Variants in RBFOX1 observed in about 807,000 individuals in gnomAD.
RBFOX1 encodes the protein RNA binding protein fox-1 homolog 1.
A neutral mutation model predicts 57.7 loss-of-function variants in RBFOX1; 8 were observed. The observed-to-expected ratio is 0.14, with a 90% confidence interval of 0.08 to 0.25. The LOEUF (loss-of-function observed/expected upper bound fraction) is 0.25. Ranked by LOEUF, RBFOX1 falls within the 10% of genes least tolerant of loss-of-function variation. RBFOX1 has a pLI of 1.00. For missense variants in RBFOX1, 611 were observed against 548.5 expected (o/e 1.11, Z -1.14); for synonymous variants, 326 against 222.4 (o/e 1.47, Z -4.15).
At chr16:7,304,522 G>C in intron 4 of RBFOX1, 1 of 985,196 alleles carries the variant, frequency 1.0e-6, no homozygotes, top group Non-Finnish European at 1.2e-6. Context: ...CTGCTTTCCT[G>C]GGGCTGGGCC....
At chr16:6,927,620 G>A (rs918143938) in intron 3 of RBFOX1, among the ~76,000 whole-genome samples, 1 of 152,006 alleles carries the variant, frequency 6.6e-6, no homozygotes, top group Non-Finnish European at 1.5e-5. Context: ...TTTAGCAGGG[G>A]CTTAATAGAC....
chr16:5,486,668 G>A (rs912277461), intron 2 of RBFOX1, among the ~76,000 whole-genome samples: 20 of 152,128 alleles, frequency 1.3e-4, no homozygotes, highest in African/African-American at 4.8e-4. Flanking sequence ...TCAGTCTTGT[G>A]CCCTGTCTAT....
chr16:7,460,427 ATG>A (rs1252369246), intron 4 of RBFOX1, among the ~76,000 whole-genome samples: 8 of 110,248 alleles, frequency 7.3e-5, no homozygotes, highest in African/African-American at 2.5e-4. Context: ...GTATATACAT[ATG>A]TGTGTGTATA....
At chr16:6,551,074 G>A (rs971741605) in intron 2 of RBFOX1, among the ~76,000 whole-genome samples, 15 of 152,168 alleles carry the variant, frequency 9.9e-5, no homozygotes, top group Non-Finnish European at 2.2e-4. Flanking sequence ...TTGCCTCCTG[G>A]ACCCATTTTA....
At chr16:5,852,415 A>G (rs1020076225) in intron 3 of RBFOX1, among the ~76,000 whole-genome samples, 10 of 152,154 alleles carry the variant, frequency 6.6e-5, no homozygotes, top group Admixed American at 2.6e-4. Flanking sequence ...GCCGGATGCT[A>G]TGGGAGGCTC....
intron 3 of RBFOX1, among the ~76,000 whole-genome samples, chr16:5,653,280 G>A (rs550922108): frequency 6.6e-6 from 1 of 151,858 alleles, no homozygotes. Context: ...AAGGTGGGGT[G>A]CTGAGCCGTG....
chr16:6,981,042 C>CAAAAAAAAAAAAAAA (rs36117809), intron 3 of RBFOX1, among the ~76,000 whole-genome samples: 7 of 77,426 alleles, frequency 9.0e-5, no homozygotes, highest in African/African-American at 3.9e-4. Context: ...GTCTCAGTCT[C>CAAAAAAAAAAAAAAA]AAAAAAAAAA....
chr16:7,110,308 C>A (rs963859266), intron 4 of RBFOX1, among the ~76,000 whole-genome samples: 2 of 151,918 alleles, frequency 1.3e-5, no homozygotes, highest in Admixed American at 6.6e-5. Context: ...CTGTGGTGAA[C>A]TATGATCATG....
In RBFOX1 at chr16:6,837,616, C is replaced by A. The variant is rs182384295; in HGVS notation, c.-16+182966C>A. 1.9e-4 allele frequency among the ~76,000 whole-genome samples: 29 copies of A among 152,254 alleles called. No individual in the cohort carries two copies. In the East Asian group the frequency reaches 5.4e-3, roughly 28 times the overall value. On this transcript the variant is annotated intron_variant, in intron 3 of 15. Transcript: ENST00000550418. ...TGGGAACAATTTGTGCAATCTTGGG[C>A]AAGTCGCTCAATCTCTCTAAGCCTC...
In RBFOX1 at chr16:6,880,751, T is replaced by C. The variant is rs192068713; in HGVS notation, c.-15-171306T>C. The stretch of plus-strand genomic sequence containing the variant: ...ATGATTATTTTATGATTGTATTTGA[T>C]TGCGTTGTATTAAAATTATTGTTAT... On this transcript the variant is annotated intron_variant, in intron 3 of 15. Coordinates refer to ENST00000550418, the MANE Select transcript of RBFOX1 (RefSeq NM_018723.4). Among the ~76,000 whole-genome samples, 768 of 152,296 alleles carry C rather than the reference T, an allele frequency of 5.0e-3. 6 individuals are homozygous for C. Among genetic ancestry groups the C allele is most frequent in the African/African-American group, 0.018 (735 of 41,542 alleles).
chr16:6,798,986 T>C (rs114784181), intron 3 of RBFOX1, among the ~76,000 whole-genome samples: 147 of 152,208 alleles, frequency 9.7e-4, no homozygotes, highest in African/African-American at 3.3e-3. Context: ...GGGGAGTCTT[T>C]TAGGAAAAAG....
chr16:6,424,664 G>GAC lies in RBFOX1; in HGVS notation c.-64+107608_-64+107609insCA, dbSNP rs1224071136. 4.8e-3 allele frequency among the ~76,000 whole-genome samples: 706 copies of GAC among 147,876 alleles called. 28 individuals carry two copies. The highest frequency in any genetic ancestry group is 0.046 in the Admixed American group (671 of 14,604). ...AGATAATTATAACTTTGTAAAGATG[G>GAC]ATCTACAAGGATGTTCACTGCAGCA... On this transcript the variant is annotated intron_variant, in intron 2 of 15. Transcript: ENST00000550418.
intron 2 of RBFOX1, among the ~76,000 whole-genome samples, chr16:6,393,747 G>C (rs2152937887): frequency 6.6e-6 from 1 of 152,246 alleles, no homozygotes; most frequent in South Asian, 2.1e-4. Flanking sequence ...AAGGCTGTGT[G>C]TTCCTTACCT....
intron 3 of RBFOX1, among the ~76,000 whole-genome samples, chr16:6,661,981 A>G (rs1603228502): frequency 6.6e-6 from 1 of 152,218 alleles, no homozygotes; most frequent in African/African-American, 2.4e-5. Context: ...GCCATGTGCA[A>G]CAAGATAGAT....
chr16:5,818,282 G>C (rs936013094), intron 3 of RBFOX1, among the ~76,000 whole-genome samples: 19 of 152,192 alleles, frequency 1.2e-4, no homozygotes, highest in Admixed American at 3.3e-4. Flanking sequence ...CTGACAGGGT[G>C]AAGACCATTA....
At chr16:7,585,788 A>G (rs955331439) in intron 6 of RBFOX1, among the ~76,000 whole-genome samples, 1 of 152,060 alleles carries the variant, frequency 6.6e-6, no homozygotes, top group Non-Finnish European at 1.5e-5. Context: ...TTGTTTCTTG[A>G]ATGTTAGTAG....
At position 7,454,956 on chromosome 16, in the gene RBFOX1, C is replaced by A. The variant is rs960259720; in HGVS notation, c.28-63191C>A. Reference sequence around the variant, plus strand: ...CCAACCCCTTTTCCCAGCCCTGGGCCATACCCTTTTCCAATAATAAAGCCC... The same window carrying A: ...CCAACCCCTTTTCCCAGCCCTGGGCAATACCCTTTTCCAATAATAAAGCCC... On this transcript the variant is annotated intron_variant, in intron 4 of 15. Transcript: ENST00000550418. Among the ~76,000 whole-genome samples, 4 of 152,316 alleles carry A rather than the reference C, an allele frequency of 2.6e-5. No individual in the cohort carries two copies. The South Asian group carries it at 8.3e-4, about 32-fold the overall frequency.
At chr16:7,708,550 C>T (rs1371390244) in intron 14 of RBFOX1, among the ~76,000 whole-genome samples, 4 of 152,196 alleles carry the variant, frequency 2.6e-5, no homozygotes, top group African/African-American at 9.7e-5. Context: ...TGCTTCCATT[C>T]AAATATACTT....
chr16:6,240,993 G>T (rs2097537281), intron 1 of RBFOX1, among the ~76,000 whole-genome samples: 2 of 152,026 alleles, frequency 1.3e-5, no homozygotes, highest in Admixed American at 1.3e-4. Context: ...TACTCCTTCT[G>T]ACCACCTCCT....
Sources: allele counts gnomAD v4.1 joint callset (sites outside exome capture counted in the v4.1 genomes callset), GRCh38; gene constraint gnomAD v4.1.1; transcripts MANE v1.5; gene names NCBI Gene and HGNC (gene_info 2026-07-23, HGNC 2026-07-21).